KATNIP: variants seen among roughly 807,000 people sequenced by gnomAD.
KATNIP encodes the protein katanin interacting protein.
KATNIP carries 126 observed loss-of-function variants against 174.0 expected under a neutral mutation model. That is an observed-to-expected ratio of 0.72 (90% CI 0.63 to 0.84). The LOEUF (loss-of-function observed/expected upper bound fraction) is 0.84. Among genes scored for constraint, KATNIP ranks in the 40% least tolerant of loss-of-function variants. The pLI is 0.00. For missense variants in KATNIP, 1,958 were observed against 2,109.7 expected, an observed-to-expected ratio of 0.93 and a Z score of 1.41; for synonymous variants, 810 against 835.7, an observed-to-expected ratio of 0.97 and a Z score of 0.53.
intron 8 of KATNIP, among the ~76,000 whole-genome samples, chr16:27,694,815 A>AATT (rs1567309246): frequency 9.2e-5 from 14 of 151,716 alleles, no homozygotes; most frequent in African/African-American, 3.1e-4. Flanking sequence ...ATAAATAAAT[A>AATT]AATAAATTTA....
At chr16:27,699,376 A>G (rs2079021691) in intron 9 of KATNIP, 158 bp from the exon 10 acceptor site, 2 of 873,544 alleles carry the variant, frequency 2.3e-6, no homozygotes, top group Non-Finnish European at 2.7e-6. Flanking sequence ...AGCAGCAACT[A>G]TTGTCTGTGT....
At chr16:27,766,239 G>A in intron 19 of KATNIP, 70 bp from the exon 20 acceptor site, 3 of 1,552,080 alleles carry the variant, frequency 1.9e-6, no homozygotes, top group Non-Finnish European at 2.6e-6. Context: ...CCGAGGGGGT[G>A]GGGGCCCCAC....
At chr16:27,770,054 C>T (rs746929099) in intron 21 of KATNIP, 36 bp downstream of exon 21, 20 of 1,600,406 alleles carry the variant, frequency 1.2e-5, no homozygotes, top group African/African-American at 2.7e-5. Context: ...CAGCCCCTCC[C>T]GGCCCCTGGG....
At chr16:27,727,668 T>C (rs2080502195) in intron 14 of KATNIP, 1 of 152,252 alleles carries the variant, frequency 6.6e-6, no homozygotes. Context: ...CATTTGCATT[T>C]TCAGCAATGC....
chr16:27,678,073 T>C, intron 7 of KATNIP, 77 bp downstream of exon 7: 1 of 1,494,782 alleles, frequency 6.7e-7, no homozygotes, highest in Non-Finnish European at 9.2e-7. Context: ...CTTCCAGTGG[T>C]CCTTTGAGTT....
intron 8 of KATNIP, among the ~76,000 whole-genome samples, chr16:27,682,010 C>T (rs2078361608): frequency 6.6e-6 from 1 of 152,168 alleles, no homozygotes. Flanking sequence ...TTCCTGTGGC[C>T]CAGTCAAGCC....
At chr16:27,716,313 G>A (rs930982478) in intron 13 of KATNIP, among the ~76,000 whole-genome samples, 5 of 152,192 alleles carry the variant, frequency 3.3e-5, no homozygotes, top group African/African-American at 9.7e-5. Context: ...AGCAGGAATG[G>A]GGAGAGACTG....
chr16:27,627,541 G>A (rs1257822952), intron 3 of KATNIP, among the ~76,000 whole-genome samples: 1 of 152,156 alleles, frequency 6.6e-6, no homozygotes, highest in East Asian at 1.9e-4. Flanking sequence ...AAGACTCACA[G>A]GCACCTGACC....
At position 27,573,924 on chromosome 16, in the gene KATNIP, A is replaced by G. The variant is rs1189914975; in HGVS notation, c.31A>G (p.Arg11Gly). 1 of 1,614,202 alleles carries G rather than the reference A, an allele frequency of 6.2e-7. No individual in the cohort carries two copies. The highest frequency in any genetic ancestry group is 2.2e-5 in the East Asian group (1 of 44,886). The change falls in exon 2 of 28, where the codon AGA becomes GGA. Residue 11 changes from arginine (R) to glycine (G), a missense_variant. Physicochemically the swap from Arg to Gly is moderately radical, Grantham distance 125. Transcript: ENST00000261588. MDGQTLRKAE[R>G]SWSCSREKKE... Reference sequence around the variant, plus strand: ...AGGTCAGACTCTGCGAAAGGCCGAGAGAAGCTGGTCCTGCTCACGAGAGAA... The same window carrying G: ...AGGTCAGACTCTGCGAAAGGCCGAGGGAAGCTGGTCCTGCTCACGAGAGAA...
intron 22 of KATNIP, among the ~76,000 whole-genome samples, chr16:27,772,892 C>T (rs2082359083): frequency 6.8e-6 from 1 of 146,570 alleles, no homozygotes; most frequent in South Asian, 2.1e-4. Context: ...CACTCACATG[C>T]ACACACACAC....
chr16:27,606,478 T>TACACAC (rs149635649), intron 2 of KATNIP, among the ~76,000 whole-genome samples: 1 of 145,604 alleles, frequency 6.9e-6, no homozygotes, highest in Non-Finnish European at 1.5e-5. Context: ...ATCTCTCTCA[T>TACACAC]ACACACACAC....
chr16:27,592,477 A>C (rs1397199330), intron 2 of KATNIP, among the ~76,000 whole-genome samples: 3 of 151,540 alleles, frequency 2.0e-5, no homozygotes, highest in African/African-American at 2.4e-5. Flanking sequence ...AATTAGCTGG[A>C]TGTGGTGGTA....
chr16:27,769,518 G>A (rs2082226276), intron 20 of KATNIP, among the ~76,000 whole-genome samples: 1 of 152,226 alleles, frequency 6.6e-6, no homozygotes, highest in African/African-American at 2.4e-5. Context: ...ACAGCTACTA[G>A]TGGTGCACAT....
At position 27,647,574 on chromosome 16, in the gene KATNIP, C is replaced by T. The variant is rs529420283; in HGVS notation, c.409-1030C>T. On this transcript the variant is annotated intron_variant, in intron 5 of 27. Transcript: ENST00000261588. ...AGGCTGGAGTGCAATGGCATGATCTCGGCTCACTGCAACCTCTGCCTCCCG... is the reference window on the plus strand; with the variant it reads ...AGGCTGGAGTGCAATGGCATGATCTTGGCTCACTGCAACCTCTGCCTCCCG... Among the ~76,000 whole-genome samples the T allele has an allele frequency of 2.3e-4, 34 of 151,000 alleles. No individual in the cohort carries two copies. In the South Asian group the frequency reaches 6.0e-3, roughly 27 times the overall value.
chr16:27,741,897 G>A (rs1052111498), intron 15 of KATNIP, among the ~76,000 whole-genome samples: 9 of 151,782 alleles, frequency 5.9e-5, no homozygotes, highest in Admixed American at 2.0e-4. Context: ...GTGAGACTCC[G>A]TCTCAAAAAA....
intron 14 of KATNIP, among the ~76,000 whole-genome samples, chr16:27,736,334 C>T: frequency 6.6e-6 from 1 of 152,190 alleles, no homozygotes; most frequent in East Asian, 1.9e-4. Flanking sequence ...TACAATGTGC[C>T]CTTGGACAAG....
At chr16:27,762,005 G>A (rs1259836218) in intron 19 of KATNIP, among the ~76,000 whole-genome samples, 1 of 152,242 alleles carries the variant, frequency 6.6e-6, no homozygotes, top group East Asian at 1.9e-4. Context: ...GAGGTTAGAG[G>A]TGATGGCTCA....
At chr16:27,633,210 C>G (rs2076541659) in intron 5 of KATNIP, among the ~76,000 whole-genome samples, 1 of 152,070 alleles carries the variant, frequency 6.6e-6, no homozygotes. Context: ...GGGGTTCATT[C>G]AGTTGGCTGG....
chr16:27,630,892 A>G (rs974782122), intron 4 of KATNIP, among the ~76,000 whole-genome samples, 173 bp from the exon 5 acceptor site: 4 of 152,048 alleles, frequency 2.6e-5, no homozygotes, highest in Non-Finnish European at 4.4e-5. Flanking sequence ...TTTGCTCAAC[A>G]TTTAGCTTGT....
Sources: allele counts gnomAD v4.1 joint callset (sites outside exome capture counted in the v4.1 genomes callset), GRCh38; gene constraint gnomAD v4.1.1; transcripts MANE v1.5; gene names NCBI Gene and HGNC (gene_info 2026-07-23, HGNC 2026-07-21).